OTUD7A: variants seen among roughly 807,000 people sequenced by gnomAD.
The protein encoded by OTUD7A is OTU deubiquitinase 7A, also known as OTU domain-containing protein 7A.
OTUD7A carries 12 observed loss-of-function variants against 65.7 expected under a neutral mutation model. The observed-to-expected ratio is 0.18, with a 90% CI of 0.12 to 0.30. The LOEUF (loss-of-function observed/expected upper bound fraction) is 0.30. OTUD7A is among the 10% of genes least tolerant of loss of function. The pLI, the probability that OTUD7A is intolerant of heterozygous loss-of-function variation, is 1.00. For missense variants in OTUD7A, 1,148 were observed against 1,304.8 expected, an observed-to-expected ratio of 0.88 and a Z score of 1.85; for synonymous variants, 641 against 586.3, an observed-to-expected ratio of 1.09 and a Z score of -1.35.
intron 3 of OTUD7A, among the ~76,000 whole-genome samples, chr15:31,653,120 G>A (rs745616971): frequency 1.2e-4 from 18 of 151,728 alleles, no homozygotes; most frequent in Non-Finnish European, 1.8e-4. Context: ...ATGGTGATGC[G>A]CGGCTGTAAT....
chr15:31,736,723 A>G (rs1475983754), intron 1 of OTUD7A, among the ~76,000 whole-genome samples: 1 of 152,228 alleles, frequency 6.6e-6, no homozygotes, highest in African/African-American at 2.4e-5. Flanking sequence ...TAAATTTAAA[A>G]TATAAATGTA....
At chr15:31,630,910 C>T (rs1891126772) in intron 3 of OTUD7A, among the ~76,000 whole-genome samples, 1 of 152,218 alleles carries the variant, frequency 6.6e-6, no homozygotes, top group Admixed American at 6.5e-5. Flanking sequence ...GGATTGCAAC[C>T]CCTGCCTTTT....
chr15:31,686,996 ACCTATATT>A (rs1359612625), intron 1 of OTUD7A, among the ~76,000 whole-genome samples: 2 of 152,204 alleles, frequency 1.3e-5, no homozygotes, highest in Non-Finnish European at 2.9e-5. Context: ...TTCTAAAATA[ACCTATATT>A]TTCACAAACT....
intron 8 of OTUD7A, among the ~76,000 whole-genome samples, chr15:31,512,906 A>G (rs1022284223): frequency 1.3e-5 from 2 of 152,242 alleles, no homozygotes; most frequent in African/African-American, 4.8e-5. Context: ...TTGCTTCTAA[A>G]AGAAGTTACT....
intron 3 of OTUD7A, among the ~76,000 whole-genome samples, chr15:31,606,118 C>A (rs1407850433): frequency 6.6e-6 from 1 of 152,252 alleles, no homozygotes; most frequent in Non-Finnish European, 1.5e-5. Flanking sequence ...GGCCTCACAT[C>A]CCCATCATAG....
intron 4 of OTUD7A, among the ~76,000 whole-genome samples, chr15:31,564,267 T>A (rs992820208): frequency 1.8e-4 from 27 of 152,048 alleles, no homozygotes; most frequent in African/African-American, 6.3e-4. Context: ...ATAATTTCAA[T>A]CTAGAGTTTT....
intron 1 of OTUD7A, among the ~76,000 whole-genome samples, chr15:31,809,272 G>C (rs1896360017): frequency 6.6e-6 from 1 of 152,168 alleles, no homozygotes; most frequent in African/African-American, 2.4e-5. Flanking sequence ...CCAGCTCTTA[G>C]GAAGTAAAGT....
intron 4 of OTUD7A, among the ~76,000 whole-genome samples, chr15:31,562,707 T>C (rs763274831): frequency 5.9e-5 from 9 of 152,186 alleles, no homozygotes; most frequent in Non-Finnish European, 7.3e-5. Context: ...GGACAAAACT[T>C]TTCCTAAAGG....
intron 1 of OTUD7A, among the ~76,000 whole-genome samples, chr15:31,847,630 A>C (rs925557212): frequency 6.6e-6 from 1 of 152,196 alleles, no homozygotes; most frequent in Admixed American, 6.5e-5. Flanking sequence ...TAATGTCGTG[A>C]CCATGAAAAT....
chr15:31,503,773 G>T lies in OTUD7A; in HGVS notation c.939C>A (p.Phe313Leu). 1 of 1,614,186 alleles carries T rather than the reference G, an allele frequency of 6.2e-7. No individual in the cohort carries two copies. The highest frequency in any genetic ancestry group is 8.5e-7 in the Non-Finnish European group (1 of 1,180,018). ...ATATATGGGCTAGGACAAAAACGTG[G>T]AACTCTTCCAGGCTCTCGTACACGG... ...EDPVYESLEE[F>L]HVFVLAHILR... Residue 313 changes from phenylalanine to leucine, a missense_variant, in exon 9 of 13, where the codon TTC (phenylalanine) becomes TTA (leucine). Phe to Leu is a conservative substitution (Grantham distance 22). This residue lies in a region of OTUD7A where 58 missense variants were observed against 131.4 expected (regional missense o/e 0.44). Coordinates refer to ENST00000307050, the MANE Select transcript of OTUD7A (RefSeq NM_001382637.1).
intron 1 of OTUD7A, among the ~76,000 whole-genome samples, chr15:31,834,268 G>T (rs1390528722): frequency 1.3e-5 from 2 of 152,172 alleles, no homozygotes; most frequent in African/African-American, 4.8e-5. Flanking sequence ...CAACTGCCTG[G>T]AACAGAACAA....
chr15:31,646,285 G>C (rs1413267844), intron 3 of OTUD7A, among the ~76,000 whole-genome samples: 2 of 152,094 alleles, frequency 1.3e-5, no homozygotes, highest in African/African-American at 4.8e-5. Context: ...CAAAGTGAAA[G>C]GACACAAAGT....
chr15:31,602,051 C>T (rs1477970039), intron 3 of OTUD7A, among the ~76,000 whole-genome samples: 1 of 152,198 alleles, frequency 6.6e-6, no homozygotes, highest in Non-Finnish European at 1.5e-5. Context: ...ACCATTCCTT[C>T]TGAAACTATT....
At chr15:31,709,970 C>T (rs1353149986) in intron 1 of OTUD7A, among the ~76,000 whole-genome samples, 3 of 149,866 alleles carry the variant, frequency 2.0e-5, no homozygotes, top group African/African-American at 7.3e-5. Flanking sequence ...CAAAATAAAA[C>T]CCTATAAATA....
At chr15:31,496,429 A>G (rs2041385276) in intron 10 of OTUD7A, among the ~76,000 whole-genome samples, 1 of 152,052 alleles carries the variant, frequency 6.6e-6, no homozygotes, top group Non-Finnish European at 1.5e-5. Context: ...TCACCATGTT[A>G]GCCAGGATGG....
chr15:31,633,447 AT>A, intron 3 of OTUD7A, among the ~76,000 whole-genome samples: 1 of 152,228 alleles, frequency 6.6e-6, no homozygotes, highest in South Asian at 2.1e-4. Context: ...CTTGGTACCT[AT>A]TTTGAATGTA....
Position 31,484,373 on chromosome 15 carries a change from G to C in OTUD7A, c.1723C>G (p.Arg575Gly). The change falls in exon 13 of 13, where the codon CGC becomes GGC. Residue 575 changes from arginine (R) to glycine (G), a missense_variant. Arg to Gly is a moderately radical substitution (Grantham distance 125). This residue lies in a region of OTUD7A where 842 missense variants were observed against 769.5 expected (regional missense o/e 1.09). Coordinates refer to ENST00000307050, the MANE Select transcript of OTUD7A (RefSeq NM_001382637.1). The surrounding 1 kb of genome is among the most constrained non-coding windows in gnomAD (Gnocchi z 4.5). ...CCAGACTCCTCCTTGCTGCCCTTGCGCGACTTGGCCTTCTTCTCCTTGCCC... is the reference window on the plus strand; with the variant it reads ...CCAGACTCCTCCTTGCTGCCCTTGCCCGACTTGGCCTTCTTCTCCTTGCCC... ...ERGKEKKAKS[R>G]KGSKEESGAS... 6.2e-7 allele frequency: 1 copy of C among 1,601,144 alleles called. No individual in the cohort carries two copies. Among genetic ancestry groups the C allele is most frequent in the Non-Finnish European group, 8.5e-7 (1 of 1,179,660 alleles).
intron 1 of OTUD7A, among the ~76,000 whole-genome samples, chr15:31,757,352 A>T (rs1354373020): frequency 1.3e-5 from 2 of 148,670 alleles, no homozygotes; most frequent in South Asian, 2.1e-4. Context: ...TAATATATAT[A>T]TTATATATAT....
chr15:31,801,547 T>C (rs530205830), intron 1 of OTUD7A, among the ~76,000 whole-genome samples: 1 of 152,318 alleles, frequency 6.6e-6, no homozygotes, highest in South Asian at 2.1e-4. Context: ...ATGCATAAAA[T>C]TGCATTTTTG....
Sources: allele counts gnomAD v4.1 joint callset (sites outside exome capture counted in the v4.1 genomes callset), GRCh38; gene constraint gnomAD v4.1.1; regional missense constraint gnomAD v4.1.1; non-coding constraint Gnocchi (gnomAD v3.1); transcripts MANE v1.5; gene names NCBI Gene and HGNC (gene_info 2026-07-23, HGNC 2026-07-21).